Variants in KLF13 observed in about 807,000 individuals in gnomAD.
KLF13 encodes Krueppel-like factor 13.
A neutral mutation model predicts 16.7 loss-of-function variants in KLF13; 8 were observed. The observed-to-expected ratio is 0.48, with a 90% CI of 0.28 to 0.87. The LOEUF (loss-of-function observed/expected upper bound fraction) is 0.87. Ranked by LOEUF, KLF13 falls within the 40% of genes least tolerant of loss-of-function variation. The pLI is 0.10. For synonymous variants in KLF13, 245 were observed against 208.4 expected (o/e 1.18, Z -1.51); for missense variants, 447 against 452.2 (o/e 0.99, Z 0.10).
At chr15:31,355,871 C>T (rs1378088374) in intron 1 of KLF13, among the ~76,000 whole-genome samples, 2 of 151,948 alleles carry the variant, frequency 1.3e-5, no homozygotes, top group Admixed American at 6.6e-5. Flanking sequence ...TGGCCTGCTC[C>T]GTGTGGCCTG....
intron 1 of KLF13, among the ~76,000 whole-genome samples, chr15:31,360,830 T>A (rs2039371909): frequency 6.6e-6 from 1 of 152,228 alleles, no homozygotes; most frequent in Non-Finnish European, 1.5e-5. Flanking sequence ...GAAGAATACA[T>A]TGTTTCGTTA....
rs1248171361 is a variant in KLF13 at position 31,372,272 on chromosome 15, C to T, written c.840C>T (p.Pro280=). 2.7e-6 allele frequency: 4 copies of T among 1,507,534 alleles called. No homozygotes were observed. Among genetic ancestry groups the T allele is most frequent in the Non-Finnish European group, 1.8e-6 (2 of 1,132,066 alleles). 93.4% of individuals were successfully genotyped at this position (1,507,534 alleles called of 1,614,324 possible). ...SDYSRSDASS[P]TISPASSP ...ACAGCCGCTCCGACGCCAGCAGCCC[C>T]ACCATCAGCCCGGCCAGCTCGCCCT... Residue 280 remains proline (P), a synonymous_variant, in exon 2 of 2, where the codon CCC becomes CCT. Transcript: ENST00000307145.
At chr15:31,333,001 G>A (rs1480167494) in intron 1 of KLF13, among the ~76,000 whole-genome samples, 3 of 152,156 alleles carry the variant, frequency 2.0e-5, no homozygotes, top group Non-Finnish European at 4.4e-5. Context: ...ATGGCACTGT[G>A]AAGTGTGTTC....
At chr15:31,393,416 C>A (rs1178853785) in intron 1 of KLF13, among the ~76,000 whole-genome samples, 2 of 137,508 alleles carry the variant, frequency 1.5e-5, no homozygotes, top group Non-Finnish European at 3.2e-5. Flanking sequence ...CCGTCACCCC[C>A]GGCCCGTCCC....
rs1348901704 is a variant in KLF13 at position 31,376,795 on chromosome 15, C to T, written c.*4496C>T. Reference sequence around the variant, plus strand: ...TGTCCATGAGGGAAGAGGGGTCGCGCTTGGTTTCTACTGACCCCCATGAAG... The same window carrying T: ...TGTCCATGAGGGAAGAGGGGTCGCGTTTGGTTTCTACTGACCCCCATGAAG... On this transcript the variant is annotated 3_prime_UTR_variant, in exon 2 of 2. Coordinates refer to ENST00000307145, the MANE Select transcript of KLF13 (RefSeq NM_015995.4). 6.6e-6 allele frequency: 1 copy of T among 152,658 alleles called. No individual in the cohort carries two copies. The highest frequency in any genetic ancestry group is 1.5e-5 in the Non-Finnish European group (1 of 68,050). The allele number at this position is 152,658 out of a possible 1,614,324, so 9.5% of individuals were successfully genotyped here.
At chr15:31,342,183 C>T (rs991541037) in intron 1 of KLF13, among the ~76,000 whole-genome samples, 1 of 152,118 alleles carries the variant, frequency 6.6e-6, no homozygotes, top group Non-Finnish European at 1.5e-5. Context: ...TGAAAGTTGC[C>T]CTGCACCCTG....
At chr15:31,392,009 C>T (rs1048802186), upstream of KLF13, among the ~76,000 whole-genome samples, 3 of 152,036 alleles carry the variant, frequency 2.0e-5, no homozygotes, top group African/African-American at 7.2e-5. Context: ...GGCGCCGAGC[C>T]CGGCCGGGCC....
At chr15:31,347,607 G>A (rs2039144584) in intron 1 of KLF13, among the ~76,000 whole-genome samples, 1 of 152,234 alleles carries the variant, frequency 6.6e-6, no homozygotes, top group Non-Finnish European at 1.5e-5. Flanking sequence ...CCCTAAGCCA[G>A]CGGAGCCTCA....
At chr15:31,391,025 A>T (rs1259579438), upstream of KLF13, among the ~76,000 whole-genome samples, 1 of 125,442 alleles carries the variant, frequency 8.0e-6, no homozygotes, top group African/African-American at 3.0e-5. Context: ...TCAGGAAAGG[A>T]TGTACATTCT....
Position 31,372,006 on chromosome 15 carries a change from A to C in KLF13, c.578-4A>C. The C allele has an allele frequency of 1.9e-6, 3 of 1,599,218 alleles. No individual in the cohort carries two copies. The highest frequency in any genetic ancestry group is 2.6e-6 in the Non-Finnish European group (3 of 1,173,488). On this transcript the variant is annotated splice_polypyrimidine_tract_variant and splice_region_variant and intron_variant, in intron 1 of 1. Transcript: ENST00000307145. ...ATACTGATGCTCTGCCCCTGTGCCC[A>C]CAGGTGAGAGGCCCTTCGCCTGCAG... is the stretch of plus-strand genomic sequence containing the variant.
At chr15:31,387,435 A>T (rs2039806950) in intron 1 of KLF13, among the ~76,000 whole-genome samples, 2 of 152,212 alleles carry the variant, frequency 1.3e-5, no homozygotes, top group Non-Finnish European at 2.9e-5. Context: ...AAATTAAGGT[A>T]TGTACATTAT....
At chr15:31,405,171 C>G (rs1439265109), downstream of KLF13, among the ~76,000 whole-genome samples, 2 of 152,036 alleles carry the variant, frequency 1.3e-5, no homozygotes, top group East Asian at 1.9e-4. Flanking sequence ...AAACAAGAGC[C>G]TGCGTAGTGG....
At chr15:31,330,125 G>T (rs1443742362) in intron 1 of KLF13, among the ~76,000 whole-genome samples, 2 of 152,200 alleles carry the variant, frequency 1.3e-5, no homozygotes, top group Non-Finnish European at 2.9e-5. Context: ...AGAGGAGCTT[G>T]CTGTTGGGGG....
At chr15:31,360,918 G>T (rs895015630) in intron 1 of KLF13, among the ~76,000 whole-genome samples, 1 of 152,174 alleles carries the variant, frequency 6.6e-6, no homozygotes, top group Admixed American at 6.5e-5. Context: ...CAGGTGGCAG[G>T]TGCTGGGCCT....
At chr15:31,370,290 C>T (rs2039538326) in intron 1 of KLF13, among the ~76,000 whole-genome samples, 2 of 152,068 alleles carry the variant, frequency 1.3e-5, no homozygotes, top group South Asian at 4.1e-4. Context: ...AACATCGTGA[C>T]ATCCACATAT....
At chr15:31,353,410 G>C (rs1003996988) in intron 1 of KLF13, among the ~76,000 whole-genome samples, 1 of 70,606 alleles carries the variant, frequency 1.4e-5, no homozygotes, top group Non-Finnish European at 3.1e-5. Flanking sequence ...GGAGCCCCAG[G>C]TTGGGGGGCC....
At chr15:31,370,199 C>G (rs1397879259) in intron 1 of KLF13, among the ~76,000 whole-genome samples, 1 of 151,716 alleles carries the variant, frequency 6.6e-6, no homozygotes, top group Admixed American at 6.6e-5. Flanking sequence ...CCCCCAACAC[C>G]CTTTCCCCCA....
Position 31,377,606 on chromosome 15 carries a change from G to A in KLF13, c.*5307G>A, listed in dbSNP as rs926467181. The A allele has an allele frequency of 6.6e-6, 1 of 152,572 alleles. No homozygotes were observed. The highest frequency in any genetic ancestry group is 2.4e-5 in the African/African-American group (1 of 41,420). 9.5% of individuals were successfully genotyped at this position (152,572 alleles called of 1,614,324 possible). On this transcript the variant is annotated 3_prime_UTR_variant, in exon 2 of 2. Coordinates refer to ENST00000307145, the MANE Select transcript of KLF13 (RefSeq NM_015995.4). ...CCAAGACCATTTCCATGGAGCTCAT[G>A]TTTTTCTTTTCTGTAGGAACTTTTT... is the stretch of plus-strand genomic sequence containing the variant.
chr15:31,380,187 G>T (rs2039706863), downstream of KLF13, among the ~76,000 whole-genome samples: 1 of 152,190 alleles, frequency 6.6e-6, no homozygotes, highest in Non-Finnish European at 1.5e-5. Context: ...AGCTACTTGG[G>T]AGGCTGAGGC....
Sources: allele counts gnomAD v4.1 joint callset (sites outside exome capture counted in the v4.1 genomes callset), GRCh38; gene constraint gnomAD v4.1.1; transcripts MANE v1.5; gene names NCBI Gene and HGNC (gene_info 2026-07-23, HGNC 2026-07-21).